C8orf34: variants seen among roughly 807,000 people sequenced by gnomAD.
The protein encoded by C8orf34 is uncharacterized protein C8orf34.
C8orf34 carries 65 observed loss-of-function variants against 68.3 expected under a neutral mutation model. That is an observed-to-expected ratio of 0.95 (90% CI 0.78 to 1.17). The LOEUF is 1.17. Ranked by LOEUF, C8orf34 falls within the 50% of genes most tolerant of loss-of-function variation. The probability of loss-of-function intolerance (pLI) is 0.00; values close to 1 mark genes in which losing one functional copy is unlikely to be tolerated. For missense variants in C8orf34, 664 were observed against 655.4 expected (o/e 1.01, Z -0.14); for synonymous variants, 244 against 241.2 (o/e 1.01, Z -0.11).
At chr8:68,375,583 A>C (rs1159912897) in intron 1 of C8orf34, among the ~76,000 whole-genome samples, 1 of 152,240 alleles carries the variant, frequency 6.6e-6, no homozygotes, top group African/African-American at 2.4e-5. Context: ...AACCTCAGAA[A>C]AAAGCAATGG....
chr8:68,417,069 C>T (rs1809704057), intron 1 of C8orf34, among the ~76,000 whole-genome samples: 1 of 152,048 alleles, frequency 6.6e-6, no homozygotes, highest in Non-Finnish European at 1.5e-5. Context: ...TTCTCAGCAA[C>T]TGCTATTAAA....
rs149687512 is a variant in C8orf34 at position 68,787,480 on chromosome 8, C to T, written c.1493C>T (p.Pro498Leu). 1 of 1,612,278 alleles carries T rather than the reference C, an allele frequency of 6.2e-7. No individual in the cohort carries two copies. The highest frequency in any genetic ancestry group is 1.3e-5 in the African/African-American group (1 of 74,858). The change falls in exon 12 of 14, where the codon CCA becomes CTA. Residue 498 changes from proline (P) to leucine (L), a missense_variant. Physicochemically the swap from Pro to Leu is moderately conservative, Grantham distance 98 (BLOSUM62 -3). Coordinates refer to ENST00000518698, the MANE Select transcript of C8orf34 (RefSeq NM_052958.4). ...SLKQLQVVHQPWILPSDTESE... is the reference protein window; with the variant it reads ...SLKQLQVVHQLWILPSDTESE... ...AAGCAATTGCAGGTAGTTCATCAAC[C>T]ATGGATCTTGCCAAGTGACACAGAA... is the stretch of plus-strand genomic sequence containing the variant.
rs374545762 is a variant in C8orf34, at chr8:68,415,150, C to T, written c.328-24349C>T. Reference sequence around the variant, plus strand: ...CAGAAGCCACAGGAATCATGTTTTCCATCGTATGGAGAAAACTGGATATAA... The same window carrying T: ...CAGAAGCCACAGGAATCATGTTTTCTATCGTATGGAGAAAACTGGATATAA... On this transcript the variant is annotated intron_variant, in intron 1 of 13. Transcript: ENST00000518698. Among the ~76,000 whole-genome samples the T allele has an allele frequency of 1.9e-4, 29 of 152,220 alleles. No individual in the cohort carries two copies. The East Asian group carries it at 2.7e-3, about 14-fold the overall frequency.
chr8:68,513,321 GGAA>G (rs1814360773), intron 5 of C8orf34, among the ~76,000 whole-genome samples: 1 of 152,176 alleles, frequency 6.6e-6, no homozygotes, highest in Non-Finnish European at 1.5e-5. Context: ...GACACAGACA[GGAA>G]GAAGAAAACC....
intron 5 of C8orf34, among the ~76,000 whole-genome samples, chr8:68,509,153 C>T (rs1388034146): frequency 6.6e-6 from 1 of 152,152 alleles, no homozygotes; most frequent in Non-Finnish European, 1.5e-5. Context: ...TAACTGCTTC[C>T]TGCTGACAGG....
chr8:68,600,894 C>T (rs1205091521), intron 7 of C8orf34, among the ~76,000 whole-genome samples: 1 of 152,176 alleles, frequency 6.6e-6, no homozygotes, highest in African/African-American at 2.4e-5. Flanking sequence ...TACCCATTCA[C>T]CAACCTGTGA....
chr8:68,584,699 A>G (rs1274013563), intron 7 of C8orf34, among the ~76,000 whole-genome samples: 6 of 152,138 alleles, frequency 3.9e-5, no homozygotes, highest in Non-Finnish European at 8.8e-5. Flanking sequence ...TGTTTAAAAC[A>G]TGGCTCTTAA....
At chr8:68,809,152 A>G (rs982987613) in intron 12 of C8orf34, among the ~76,000 whole-genome samples, 3 of 152,162 alleles carry the variant, frequency 2.0e-5, no homozygotes, top group Non-Finnish European at 2.9e-5. Flanking sequence ...CAGTTGCCCA[A>G]TTGTCAGATT....
intron 10 of C8orf34, among the ~76,000 whole-genome samples, chr8:68,755,902 TA>T (rs1300293749): frequency 8.2e-5 from 11 of 133,936 alleles, no homozygotes; most frequent in African/African-American, 3.3e-4. Flanking sequence ...CTACTAAAAA[TA>T]CAAAAAAAAA....
At chr8:68,421,616 G>C (rs970106947) in intron 1 of C8orf34, among the ~76,000 whole-genome samples, 5 of 152,032 alleles carry the variant, frequency 3.3e-5, no homozygotes, top group African/African-American at 1.2e-4. Context: ...TACACAATTG[G>C]GGAACTGGTG....
chr8:68,751,237 G>A (rs183962355), intron 10 of C8orf34, among the ~76,000 whole-genome samples: 23 of 152,188 alleles, frequency 1.5e-4, no homozygotes, highest in African/African-American at 5.3e-4. Flanking sequence ...ACAGTTCTTA[G>A]CTCAATATAT....
intron 8 of C8orf34, among the ~76,000 whole-genome samples, chr8:68,675,309 T>C (rs1056151091): frequency 2.6e-5 from 4 of 152,144 alleles, no homozygotes; most frequent in Admixed American, 2.6e-4. Flanking sequence ...ACTATTCATA[T>C]CTTGAGTAGA....
intron 7 of C8orf34, among the ~76,000 whole-genome samples, chr8:68,586,702 C>T (rs553584789): frequency 5.7e-4 from 86 of 152,102 alleles, no homozygotes; most frequent in Non-Finnish European, 8.8e-4. Context: ...AAATAAAGAT[C>T]GACTTCTTTC....
At chr8:68,630,102 T>C (rs1818646973) in intron 7 of C8orf34, among the ~76,000 whole-genome samples, 1 of 152,086 alleles carries the variant, frequency 6.6e-6, no homozygotes, top group South Asian at 2.1e-4. Flanking sequence ...AAAATATAAC[T>C]TTTATTAATA....
intron 7 of C8orf34, among the ~76,000 whole-genome samples, chr8:68,617,575 T>C (rs1022352602): frequency 1.3e-5 from 2 of 152,212 alleles, no homozygotes; most frequent in African/African-American, 4.8e-5. Context: ...AAATTCTGGG[T>C]TGAAAATTCT....
intron 7 of C8orf34, among the ~76,000 whole-genome samples, chr8:68,566,271 C>A (rs1816585538): frequency 1.3e-5 from 2 of 152,110 alleles, no homozygotes; most frequent in South Asian, 4.2e-4. Flanking sequence ...GTATTAAGCC[C>A]AGTACCCAGT....
At chr8:68,601,127 G>T (rs1184871305) in intron 7 of C8orf34, among the ~76,000 whole-genome samples, 1 of 152,038 alleles carries the variant, frequency 6.6e-6, no homozygotes, top group Non-Finnish European at 1.5e-5. Flanking sequence ...ATTTGAATTG[G>T]TGTTTCCCTA....
intron 11 of C8orf34, among the ~76,000 whole-genome samples, chr8:68,784,211 G>A (rs2978240): frequency 0.47 from 71,249 of 151,992 alleles, 19,404 homozygotes; most frequent in African/African-American, 0.76. Flanking sequence ...TTTAAAGACC[G>A]CAATGGCTAT....
intron 4 of C8orf34, among the ~76,000 whole-genome samples, chr8:68,474,622 G>A (rs1382526443): frequency 6.6e-6 from 1 of 152,150 alleles, no homozygotes; most frequent in African/African-American, 2.4e-5. Flanking sequence ...CAAAATCTCT[G>A]TGGCTTGATA....
Sources: allele counts gnomAD v4.1 joint callset (sites outside exome capture counted in the v4.1 genomes callset), GRCh38; gene constraint gnomAD v4.1.1; transcripts MANE v1.5; gene names NCBI Gene and HGNC (gene_info 2026-07-23, HGNC 2026-07-21).